FASN: variants seen among roughly 807,000 people sequenced by gnomAD.
FASN encodes the protein fatty acid synthase.
A neutral mutation model predicts 250.0 loss-of-function variants in FASN; 50 were observed. That is an observed-to-expected ratio of 0.20 (90% CI 0.16 to 0.25). FASN has a LOEUF of 0.25. Ranked by LOEUF, FASN falls within the 10% of genes least tolerant of loss-of-function variation. FASN has a pLI of 1.00. For missense variants in FASN, 3,031 were observed against 3,498.5 expected, an observed-to-expected ratio of 0.87 and a Z score of 3.37; for synonymous variants, 1,909 against 1,584.0, an observed-to-expected ratio of 1.21 and a Z score of -4.87.
At chr17:82,080,627 C>T (rs375151332) in intron 39 of FASN, 37 bp from the exon 40 acceptor site, 19 of 1,550,822 alleles carry the variant, frequency 1.2e-5, no homozygotes, top group Non-Finnish European at 1.5e-5. Context: ...CATGTGCAGG[C>T]GGCAGCCACG....
chr17:82,079,733 G>C, intron 41 of FASN, 125 bp from the exon 42 acceptor site: 1 of 1,346,532 alleles, frequency 7.4e-7, no homozygotes, highest in Non-Finnish European at 9.9e-7. Context: ...GCTAGATGGA[G>C]TGGGGCGATC....
chr17:82,095,052 G>T (rs978263840), intron 3 of FASN, among the ~76,000 whole-genome samples: 2 of 152,102 alleles, frequency 1.3e-5, no homozygotes, highest in Non-Finnish European at 2.9e-5. Flanking sequence ...CCCCGGCCCC[G>T]GCCCCAGCAC....
intron 25 of FASN, 27 bp from the exon 26 acceptor site, chr17:82,084,980 C>T (rs1196064336): frequency 6.4e-7 from 1 of 1,569,602 alleles, no homozygotes; most frequent in African/African-American, 1.4e-5. Context: ...GGAGCTCAGG[C>T]TGGGGATGGG....
chr17:82,096,672 T>C, intron 1 of FASN: 1 of 642,966 alleles, frequency 1.6e-6, no homozygotes, highest in Non-Finnish European at 2.7e-6. Context: ...CAGGCCCGCC[T>C]CTGGGCCCTG....
chr17:82,090,717 C>A (rs1272525589), intron 10 of FASN, among the ~76,000 whole-genome samples, 153 bp from the exon 11 acceptor site: 1 of 152,196 alleles, frequency 6.6e-6, no homozygotes, highest in Admixed American at 6.5e-5. Context: ...CCCCACACAG[C>A]CCCACTGAGA....
In FASN at chr17:82,093,354, C is replaced by A; in HGVS notation, c.520G>T (p.Ala174Ser). The change falls in exon 5 of 43, where the codon GCC (alanine) becomes TCC (serine). Residue 174 changes from alanine (A) to serine (S), a missense_variant. Transcript: ENST00000306749. ...GCAGGGCACTGCCCGCTGTGGATGG[C>A]CTGGTAGGCGTTCTGCAGGGCCATC... ...SLMALQNAYQ[A>S]IHSGQCPAAI... is the part of the protein sequence containing the mutation. 6.2e-7 allele frequency: 1 copy of A among 1,603,112 alleles called. No homozygotes were observed. The highest frequency in any genetic ancestry group is 1.7e-5 in the Admixed American group (1 of 58,490).
In FASN at chr17:82,088,003, C is replaced by T. The variant is rs758236796; in HGVS notation, c.2817G>A (p.Glu939=). ...CTGACACCTCGAAGGCACGGGAGGC[C>T]TCCAGGAGCCGTACCTCCAGGGACA... The part of the protein sequence containing the change: ...GTVSLEVRLL[E]ASRAFEVSEN... The change falls in exon 18 of 43, where the codon GAG becomes GAA. Residue 939 remains glutamate, a synonymous_variant. Coordinates refer to ENST00000306749, the MANE Select transcript of FASN (RefSeq NM_004104.5). The T allele has an allele frequency of 1.2e-6, 2 of 1,612,766 alleles. No homozygotes were observed. The highest frequency in any genetic ancestry group is 3.3e-5 in the Admixed American group (2 of 60,036).
Position 82,083,024 on chromosome 17 carries a change from C to T in FASN, c.5657G>A (p.Ser1886Asn), listed in dbSNP as rs1363192335. Residue 1886 changes from serine to asparagine, a missense_variant, in exon 33 of 43, where the codon AGC (serine) becomes AAC (asparagine). Ser to Asn is a conservative substitution (Grantham distance 46). Transcript: ENST00000306749. The part of the protein sequence containing the change: ...ISKTFCPAHK[S>N]YIIAGGLGGF... ...ACCCAGACCACCAGCGATGATGTAG[C>T]TCTTGTGGGCCGGGCAGAAGGTCTT... 6.2e-7 allele frequency: 1 copy of T among 1,612,826 alleles called. No homozygotes were observed. The highest frequency in any genetic ancestry group is 1.3e-5 in the African/African-American group (1 of 74,928).
Position 82,081,661 on chromosome 17 carries a change from C to G in FASN, c.6346G>C (p.Ala2116Pro). 1.2e-6 allele frequency: 2 copies of G among 1,612,792 alleles called. No homozygotes were observed. Among genetic ancestry groups the G allele is most frequent in the South Asian group, 2.2e-5 (2 of 91,088 alleles). ...LSSFVLAEKAAAYRDRDSQRD... is the reference protein window; with the variant it reads ...LSSFVLAEKAPAYRDRDSQRD... ...TGGCTGTCCCTGTCCCTATAGGCCG[C>G]AGCCTTCTCAGCCAGCACAAAGCTG... Residue 2116 changes from alanine to proline, a missense_variant, in exon 37 of 43, where the codon GCG becomes CCG. Transcript: ENST00000306749.
intron 15 of FASN, 29 bp downstream of exon 15, chr17:82,088,732 G>T (rs2034149792): frequency 6.3e-7 from 1 of 1,593,542 alleles, no homozygotes; most frequent in Non-Finnish European, 8.6e-7. Context: ...GACTCCGGGA[G>T]ACGAGACCCG....
Position 82,086,530 on chromosome 17 carries a change from C to G in FASN, c.3456G>C (p.Val1152=). The G allele has an allele frequency of 3.1e-6, 5 of 1,612,116 alleles. No individual in the cohort carries two copies. Among genetic ancestry groups the G allele is most frequent in the Non-Finnish European group, 4.2e-6 (5 of 1,179,962 alleles). ...KGLVQALQTK[V]TQQGLKMVVP... ...CCACCATCTTCAGCCCCTGCTGGGT[C>G]ACCTTGGTCTGCAGTGCCTGCACCA... Residue 1152 remains valine, a synonymous_variant, in exon 22 of 43, where the codon GTG becomes GTC. Transcript: ENST00000306749.
rs773781442 is a variant in FASN, at chr17:82,081,631, C to T, written c.6376G>A (p.Asp2126Asn). ...ATGTGTGCCACGGCCTCCACCAGGTCCCGCTGGCTGTCCCTGTCCCTATAG... is the reference window on the plus strand; with the variant it reads ...ATGTGTGCCACGGCCTCCACCAGGTTCCGCTGGCTGTCCCTGTCCCTATAG... ...AAYRDRDSQR[D>N]LVEAVAHILG... is the part of the protein sequence containing the mutation. The change falls in exon 37 of 43, where the codon GAC becomes AAC. Residue 2126 changes from aspartate (D) to asparagine (N), a missense_variant. Asp to Asn is a conservative substitution (Grantham distance 23, BLOSUM62 1). Transcript: ENST00000306749. 5.0e-6 allele frequency: 8 copies of T among 1,612,716 alleles called. No homozygotes were observed. The highest frequency in any genetic ancestry group is 6.8e-6 in the Non-Finnish European group (8 of 1,179,994).
chr17:82,084,460 G>A lies in FASN; in HGVS notation c.4768+53C>T, dbSNP rs963573913. On this transcript the variant is annotated intron_variant, in intron 27 of 42. Coordinates refer to ENST00000306749, the MANE Select transcript of FASN (RefSeq NM_004104.5). ...GGCTCCCAGGCAGGTCCTAGCTGCT[G>A]GGGTCTCTGCTCCCCGGCCCAGTCC... 148 of 1,586,318 alleles carry A rather than the reference G, an allele frequency of 9.3e-5. No individual in the cohort carries two copies. In the Admixed American group the frequency reaches 2.0e-3, roughly 22 times the overall value.
chr17:82,095,588 C>A, intron 2 of FASN, 116 bp from the exon 3 acceptor site: 1 of 1,289,576 alleles, frequency 7.8e-7, no homozygotes, highest in Non-Finnish European at 1.1e-6. Flanking sequence ...CTCTGCTATG[C>A]CTGGGAGGCC....
intron 3 of FASN, among the ~76,000 whole-genome samples, chr17:82,094,697 G>A (rs1354088958): frequency 6.6e-6 from 1 of 151,864 alleles, no homozygotes; most frequent in Non-Finnish European, 1.5e-5. Flanking sequence ...ACTGAGGCAG[G>A]AGAATGGTGT....
In FASN at chr17:82,096,450, G is replaced by A. The variant is rs1204643397; in HGVS notation, c.-5C>T. On this transcript the variant is annotated splice_region_variant and 5_prime_UTR_variant, in exon 2 of 43. Coordinates refer to ENST00000306749, the MANE Select transcript of FASN (RefSeq NM_004104.5). ...GGCAATCACCACCTCCTCCATGGCT[G>A]CTCTGCAGGGCGGGCGGTGTGAGTG... 1.2e-6 allele frequency: 2 copies of A among 1,611,288 alleles called. No homozygotes were observed. The highest frequency in any genetic ancestry group is 1.1e-5 in the South Asian group (1 of 91,088).
At chr17:82,096,500 C>T (rs914755449) in intron 1 of FASN, 48 bp from the exon 2 acceptor site, 1 of 1,603,072 alleles carries the variant, frequency 6.2e-7, no homozygotes. Context: ...GCCACGACAC[C>T]CCCGTCAACA....
In FASN at chr17:82,080,752, C is replaced by T. The variant is rs17848949; in HGVS notation, c.6766G>A (p.Val2256Met). 6 of 1,603,830 alleles carry T rather than the reference C, an allele frequency of 3.7e-6. No individual in the cohort carries two copies. The highest frequency in any genetic ancestry group is 2.2e-5 in the East Asian group (1 of 44,516). ...AGCCGGGAGGCCAGGCTGTGGAACACGGTGGTGGAGCCCTCGATTGGGTGC... is the reference window on the plus strand; with the variant it reads ...AGCCGGGAGGCCAGGCTGTGGAACATGGTGGTGGAGCCCTCGATTGGGTGC... Reference protein sequence around the residue: ...LVHPIEGSTTVFHSLASRLSI... With the variant: ...LVHPIEGSTTMFHSLASRLSI... The change falls in exon 39 of 43, where the codon GTG (valine) becomes ATG (methionine). Residue 2256 changes from valine to methionine, a missense_variant. By Grantham distance (21) the Val-to-Met change is conservative (BLOSUM62 1). Coordinates refer to ENST00000306749, the MANE Select transcript of FASN (RefSeq NM_004104.5).
rs2034162444 is a variant in FASN at position 82,089,361 on chromosome 17, C to T, written c.1989G>A (p.Glu663=). 6.2e-7 allele frequency: 1 copy of T among 1,612,836 alleles called. No individual in the cohort carries two copies. The highest frequency in any genetic ancestry group is 8.5e-7 in the Non-Finnish European group (1 of 1,180,002). ...GPQAPVFEFV[E]QLRKEGVFAK... ...CAAACACACCCTCCTTCCTCAGCTGCTCCACGAACTCAAACACCGGGGCCT... is the reference window on the plus strand; with the variant it reads ...CAAACACACCCTCCTTCCTCAGCTGTTCCACGAACTCAAACACCGGGGCCT... The change falls in exon 13 of 43, where the codon GAG becomes GAA. Residue 663 remains glutamate (E), a synonymous_variant. Transcript: ENST00000306749.
Sources: gnomAD v4.1 joint callset for allele counts (sites outside exome capture counted in the v4.1 genomes callset) on GRCh38, gnomAD v4.1.1 for gene constraint, MANE v1.5 for transcripts, NCBI Gene and HGNC (gene_info 2026-07-23, HGNC 2026-07-21) for gene names.